The following PDGFD variants were observed in gnomAD, a reference collection of about 807,000 sequenced individuals.
PDGFD encodes the protein platelet-derived growth factor D.
PDGFD carries 30 observed loss-of-function variants against 44.7 expected under a neutral mutation model. The observed-to-expected ratio is 0.67, with a 90% CI of 0.50 to 0.91. The LOEUF is 0.91. Among genes scored for constraint, PDGFD ranks in the 40% least tolerant of loss-of-function variants. The pLI is 0.00. For missense variants in PDGFD, 445 were observed against 457.8 expected (o/e 0.97, Z 0.25); for synonymous variants, 173 against 168.4 (o/e 1.03, Z -0.21).
chr11:104,118,878 CA>C (rs1861689507), intron 1 of PDGFD, among the ~76,000 whole-genome samples: 2 of 67,084 alleles, frequency 3.0e-5, no homozygotes, highest in Non-Finnish European at 5.2e-5. Flanking sequence ...TATTAATATA[CA>C]TATATATTAT....
intron 5 of PDGFD, among the ~76,000 whole-genome samples, chr11:103,934,783 T>C (rs940812162): frequency 6.6e-6 from 1 of 152,170 alleles, no homozygotes; most frequent in Admixed American, 6.5e-5. Flanking sequence ...TCCATCTTGT[T>C]TCTCCCTTGA....
At chr11:104,004,421 G>A (rs1457037916) in intron 1 of PDGFD, among the ~76,000 whole-genome samples, 5 of 152,090 alleles carry the variant, frequency 3.3e-5, no homozygotes, top group African/African-American at 1.2e-4. Flanking sequence ...ACTGTTTCTA[G>A]AGGTGATTTC....
chr11:104,037,865 T>C (rs376582077), intron 1 of PDGFD: 58 of 1,614,052 alleles, frequency 3.6e-5, no homozygotes, highest in Non-Finnish European at 4.9e-5. Flanking sequence ...AAGAAAAATG[T>C]GCTGGTCATC....
chr11:104,118,256 C>G (rs952349451), intron 1 of PDGFD, among the ~76,000 whole-genome samples: 1 of 151,650 alleles, frequency 6.6e-6, no homozygotes, highest in African/African-American at 2.4e-5. Context: ...GTGGAGCCCT[C>G]ATGAATGGAA....
At chr11:104,107,907 T>C (rs1275877094) in intron 1 of PDGFD, among the ~76,000 whole-genome samples, 1 of 152,156 alleles carries the variant, frequency 6.6e-6, no homozygotes, top group African/African-American at 2.4e-5. Context: ...CTAACATAAT[T>C]ACTACCATCA....
intron 1 of PDGFD, among the ~76,000 whole-genome samples, chr11:104,057,496 A>C (rs1174197804): frequency 6.6e-6 from 1 of 152,022 alleles, no homozygotes; most frequent in Non-Finnish European, 1.5e-5. Context: ...GACACAAAGA[A>C]GCCAAAGACA....
intron 1 of PDGFD, among the ~76,000 whole-genome samples, chr11:104,027,618 G>C (rs887414650): frequency 6.6e-6 from 1 of 152,144 alleles, no homozygotes; most frequent in African/African-American, 2.4e-5. Flanking sequence ...CTCTACTTTT[G>C]TTACTTCAAA....
intron 3 of PDGFD, among the ~76,000 whole-genome samples, chr11:103,954,997 T>C (rs1018619998): frequency 1.3e-5 from 2 of 149,992 alleles, no homozygotes; most frequent in African/African-American, 2.5e-5. Flanking sequence ...ACCCCGTCTC[T>C]ACTAAAAATA....
At chr11:103,966,014 C>A (rs1859014750) in intron 3 of PDGFD, among the ~76,000 whole-genome samples, 1 of 152,044 alleles carries the variant, frequency 6.6e-6, no homozygotes. Context: ...CCAAATAGGA[C>A]AAGGAAAAGG....
intron 1 of PDGFD, among the ~76,000 whole-genome samples, chr11:104,061,311 T>C (rs557154475): frequency 3.3e-5 from 5 of 152,100 alleles, no homozygotes; most frequent in Admixed American, 6.5e-5. Flanking sequence ...ATTAAGAATG[T>C]CTGTTCTTTA....
intron 1 of PDGFD, among the ~76,000 whole-genome samples, chr11:104,006,983 G>A (rs77368240): frequency 0.012 from 1,847 of 152,296 alleles, 34 homozygotes; most frequent in African/African-American, 0.042. Flanking sequence ...GGCTAAAAGT[G>A]CACACTGTAT....
intron 1 of PDGFD, among the ~76,000 whole-genome samples, chr11:104,055,773 G>A (rs1860609149): frequency 6.6e-6 from 1 of 152,074 alleles, no homozygotes; most frequent in Non-Finnish European, 1.5e-5. Context: ...ATGTGCTATA[G>A]AAATTACTAC....
At chr11:103,959,121 G>T (rs1396468340) in intron 3 of PDGFD, among the ~76,000 whole-genome samples, 2 of 152,074 alleles carry the variant, frequency 1.3e-5, no homozygotes, top group African/African-American at 4.8e-5. Flanking sequence ...TATTAAAAAA[G>T]CTGTCCATTC....
chr11:103,938,401 C>G lies in PDGFD; in HGVS notation c.772+5051G>C, dbSNP rs1358619656. Among the ~76,000 whole-genome samples the G allele has an allele frequency of 5.3e-5, 8 of 151,782 alleles. No individual in the cohort carries two copies. The East Asian group carries it at 5.8e-4, about 11-fold the overall frequency. ...CCTTCACCCACTTTTTGATGGGGTT[C>G]TTTGTTTTTTTCTTGTAAATTTGTT... On this transcript the variant is annotated intron_variant, in intron 5 of 6. Coordinates refer to ENST00000393158, the MANE Select transcript of PDGFD (RefSeq NM_025208.5).
chr11:103,933,571 C>A (rs1858439836), intron 5 of PDGFD, among the ~76,000 whole-genome samples: 1 of 152,144 alleles, frequency 6.6e-6, no homozygotes, highest in African/African-American at 2.4e-5. Flanking sequence ...TAAATCACAG[C>A]AAAAGATTCT....
At chr11:103,933,542 G>A (rs1244737081) in intron 5 of PDGFD, among the ~76,000 whole-genome samples, 1 of 152,174 alleles carries the variant, frequency 6.6e-6, no homozygotes, top group Non-Finnish European at 1.5e-5. Flanking sequence ...TTTACCACTT[G>A]TTTTTACACA....
At chr11:104,138,052 T>G (rs1006274963) in intron 1 of PDGFD, among the ~76,000 whole-genome samples, 1 of 152,136 alleles carries the variant, frequency 6.6e-6, no homozygotes, top group African/African-American at 2.4e-5. Flanking sequence ...AGCCAACACT[T>G]GCACCCCATA....
At chr11:104,033,051 T>G (rs922290108) in intron 1 of PDGFD, among the ~76,000 whole-genome samples, 76 of 130,522 alleles carry the variant, frequency 5.8e-4, no homozygotes, top group Middle Eastern at 3.6e-3. Context: ...TGTTTAGGGG[T>G]GTGTGTGTGT....
At chr11:104,080,913 GT>G (rs1303982967) in intron 1 of PDGFD, among the ~76,000 whole-genome samples, 1 of 152,168 alleles carries the variant, frequency 6.6e-6, no homozygotes, top group Non-Finnish European at 1.5e-5. Flanking sequence ...GAGGCCTCCA[GT>G]CAATAATCAG....
Sources: gnomAD v4.1 joint callset for allele counts (sites outside exome capture counted in the v4.1 genomes callset) on GRCh38, gnomAD v4.1.1 for gene constraint, MANE v1.5 for transcripts, NCBI Gene and HGNC (gene_info 2026-07-23, HGNC 2026-07-21) for gene names.